Variants in B3GAT1 observed in about 807,000 individuals in gnomAD.
The protein encoded by B3GAT1 is beta-1,3-glucuronyltransferase 1, also known as galactosylgalactosylxylosylprotein 3-beta-glucuronosyltransferase 1.
B3GAT1 carries 11 observed loss-of-function variants against 28.4 expected under a neutral mutation model. The observed-to-expected ratio is 0.39, with a 90% confidence interval of 0.24 to 0.64. B3GAT1 has a LOEUF of 0.64. B3GAT1 is among the 30% of genes least tolerant of loss of function. B3GAT1 has a pLI of 0.50. For synonymous variants in B3GAT1, 255 were observed against 223.1 expected (o/e 1.14, Z -1.27); for missense variants, 375 against 491.0 (o/e 0.76, Z 2.23).
chr11:134,410,077 C>A (rs764055710), intron 1 of B3GAT1, among the ~76,000 whole-genome samples: 4 of 152,226 alleles, frequency 2.6e-5, no homozygotes, highest in African/African-American at 4.8e-5. Context: ...AGAGAACCTT[C>A]AGGTCTCCCC....
chr11:134,400,445 A>G (rs1190858288), intron 1 of B3GAT1, among the ~76,000 whole-genome samples: 1 of 152,198 alleles, frequency 6.6e-6, no homozygotes, highest in East Asian at 1.9e-4. Flanking sequence ...AACACCTAGC[A>G]TAAGGCCTGG....
At chr11:134,382,160 A>T (rs1324480492) in intron 4 of B3GAT1, 136 bp from the exon 5 acceptor site, 9 of 700,314 alleles carry the variant, frequency 1.3e-5, no homozygotes, top group Non-Finnish European at 2.2e-5. Context: ...TTGTTCCATC[A>T]AGATTTTCTC....
At position 134,404,694 on chromosome 11, in the gene B3GAT1, C is replaced by T. The variant is rs76319723; in HGVS notation, c.-282+7113G>A. ...GGTACGCCACTCGGAAGAGTGTGCA[C>T]GCCCCACTGACAGCCTGCAACCGCC... On this transcript the variant is annotated intron_variant, in intron 1 of 5. Coordinates refer to ENST00000312527, the MANE Select transcript of B3GAT1 (RefSeq NM_054025.3). Among the ~76,000 whole-genome samples, 736 of 152,298 alleles carry T rather than the reference C, an allele frequency of 4.8e-3. 9 individuals carry two copies. Among genetic ancestry groups the T allele is most frequent in the African/African-American group, 0.017 (711 of 41,560 alleles).
intron 2 of B3GAT1, 108 bp from the exon 3 acceptor site, chr11:134,384,296 G>T (rs1475583149): frequency 2.2e-6 from 3 of 1,370,782 alleles, no homozygotes; most frequent in African/African-American, 2.9e-5. Flanking sequence ...CTCCCCCGCT[G>T]CAGGGGCTGC....
rs1188670701 is a variant in B3GAT1 at position 134,412,211 on chromosome 11, G to A, written c.-686C>T. On this transcript the variant is annotated 5_prime_UTR_variant, in exon 1 of 6. Coordinates refer to ENST00000312527, the MANE Select transcript of B3GAT1 (RefSeq NM_054025.3). ...CGGGCCGGCGCAGAGTCCCCGAGGT[G>A]GCGGCGGATGCGCCGGTGCCGCCGC... Among the ~76,000 whole-genome samples, 16 of 145,156 alleles carry A rather than the reference G, an allele frequency of 1.1e-4. No homozygotes were observed. The highest frequency in any genetic ancestry group is 2.1e-4 in the Non-Finnish European group (14 of 65,394).
chr11:134,387,540 G>T lies in B3GAT1; in HGVS notation c.112+8C>A. The T allele has an allele frequency of 1.2e-6, 2 of 1,613,720 alleles. No homozygotes were observed. Among genetic ancestry groups the T allele is most frequent in the Non-Finnish European group, 1.7e-6 (2 of 1,179,966 alleles). Reference sequence around the variant, plus strand: ...AGCTGGGCAGGCAGGGCATGCGTGCGTGCTCACCCTTATGTACCGCGAGCA... The same window carrying T: ...AGCTGGGCAGGCAGGGCATGCGTGCTTGCTCACCCTTATGTACCGCGAGCA... On this transcript the variant is annotated splice_region_variant and intron_variant, in intron 2 of 5. Transcript: ENST00000312527.
chr11:134,382,243 C>A (rs554851278), intron 4 of B3GAT1, among the ~76,000 whole-genome samples: 7 of 152,194 alleles, frequency 4.6e-5, no homozygotes, highest in Non-Finnish European at 5.9e-5. Context: ...GTGATGCCTT[C>A]GGAATACCTG....
intron 3 of B3GAT1, 106 bp downstream of exon 3, chr11:134,383,574 C>A: frequency 7.2e-7 from 1 of 1,394,388 alleles, no homozygotes. Flanking sequence ...GCCCGGCTTC[C>A]CGGGTTCCCC....
intron 2 of B3GAT1, chr11:134,384,841 G>GCC (rs1565450271): frequency 2.0e-5 from 3 of 152,236 alleles, no homozygotes. Flanking sequence ...CAAGGTATAT[G>GCC]TAGATCTAGC....
intron 1 of B3GAT1, 91 bp from the exon 2 acceptor site, chr11:134,388,031 C>T (rs1363805299): frequency 3.0e-5 from 14 of 463,452 alleles, no homozygotes; most frequent in Middle Eastern, 3.3e-4. Context: ...CACACAGCAT[C>T]GGGGGTTCCA....
Position 134,383,814 on chromosome 11 carries a change from T to A in B3GAT1, c.487A>T (p.Ile163Phe). The change falls in exon 3 of 6, where the codon ATC becomes TTC. Residue 163 changes from isoleucine to phenylalanine, a missense_variant. Coordinates refer to ENST00000312527, the MANE Select transcript of B3GAT1 (RefSeq NM_054025.3). Reference protein sequence around the residue: ...KLRGDARDPRIPRGTMQRNLA... With the variant: ...KLRGDARDPRFPRGTMQRNLA... ...TTGCGCTGCATGGTGCCCCGCGGGATGCGTGGGTCGCGGGCGTCTCCGCGC... is the reference window on the plus strand; with the variant it reads ...TTGCGCTGCATGGTGCCCCGCGGGAAGCGTGGGTCGCGGGCGTCTCCGCGC... 1 of 1,596,832 alleles carries A rather than the reference T, an allele frequency of 6.3e-7. No individual in the cohort carries two copies. The highest frequency in any genetic ancestry group is 8.5e-7 in the Non-Finnish European group (1 of 1,172,986).
chr11:134,395,323 A>T (rs192327658), intron 1 of B3GAT1, among the ~76,000 whole-genome samples: 10 of 152,278 alleles, frequency 6.6e-5, no homozygotes, highest in Non-Finnish European at 1.5e-4. Context: ...AACCTGATAA[A>T]GGATTGTGGG....
chr11:134,388,007 G>T, intron 1 of B3GAT1, 67 bp from the exon 2 acceptor site: 1 of 588,164 alleles, frequency 1.7e-6, no homozygotes, highest in Non-Finnish European at 2.9e-6. Context: ...GCAAGGCTGG[G>T]CCCTGCTCTG....
Position 134,411,249 on chromosome 11 carries a change from C to CG in B3GAT1, c.-282+557dup, listed in dbSNP as rs1366642833. Among the ~76,000 whole-genome samples, 1 of 152,114 alleles carries CG rather than the reference C, an allele frequency of 6.6e-6. No individual in the cohort carries two copies. The highest frequency in any genetic ancestry group is 1.9e-4 in the East Asian group (1 of 5,184). ...GCAGATGGGAGGGTGGTGAACTGGT[C>CG]GCGCCTCCTTCCTCCTTGCTACACC... On this transcript the variant is annotated intron_variant, in intron 1 of 5. Coordinates refer to ENST00000312527, the MANE Select transcript of B3GAT1 (RefSeq NM_054025.3). The surrounding 1 kb of genome is among the most constrained non-coding windows in gnomAD (Gnocchi z 6.0).
chr11:134,384,356 G>T, intron 2 of B3GAT1, 168 bp from the exon 3 acceptor site: 2 of 875,078 alleles, frequency 2.3e-6, no homozygotes, highest in Non-Finnish European at 3.4e-6. Context: ...GAAATCTGCA[G>T]CCCTGGAATC....
intron 1 of B3GAT1, among the ~76,000 whole-genome samples, chr11:134,401,464 A>G (rs756363509): frequency 1.3e-5 from 2 of 152,216 alleles, no homozygotes. Context: ...CATTATCCTA[A>G]GTGAAGTAAC....
At chr11:134,383,072 G>A in intron 3 of B3GAT1, 66 bp from the exon 4 acceptor site, 1 of 1,459,168 alleles carries the variant, frequency 6.9e-7, no homozygotes, top group Non-Finnish European at 9.1e-7. Context: ...GCGTGCCCAA[G>A]GGAGGCGACA....
intron 1 of B3GAT1, among the ~76,000 whole-genome samples, chr11:134,404,530 G>A (rs1014175994): frequency 2.6e-5 from 4 of 152,154 alleles, no homozygotes; most frequent in Non-Finnish European, 4.4e-5. Flanking sequence ...CACACTCCTC[G>A]GAGCCTGCAC....
intron 1 of B3GAT1, among the ~76,000 whole-genome samples, chr11:134,406,779 C>T (rs765159266): frequency 9.8e-5 from 15 of 152,306 alleles, no homozygotes; most frequent in African/African-American, 1.9e-4. Context: ...GGTTAAGCAA[C>T]GTCCTGAGGC....
Sources: gnomAD v4.1 joint callset for allele counts (sites outside exome capture counted in the v4.1 genomes callset) on GRCh38, gnomAD v4.1.1 for gene constraint, Gnocchi (gnomAD v3.1) non-coding constraint, MANE v1.5 for transcripts, NCBI Gene and HGNC (gene_info 2026-07-23, HGNC 2026-07-21) for gene names.